The following APBA2 variants were observed in gnomAD, a reference collection of about 807,000 sequenced individuals.
APBA2 encodes amyloid-beta A4 precursor protein-binding family A member 2.
Under a neutral mutation model 75.0 loss-of-function variants are expected in APBA2, and 30 were observed. That is an observed-to-expected ratio of 0.40 (90% CI 0.30 to 0.54). The LOEUF is 0.54. Among genes scored for constraint, APBA2 ranks in the 20% least tolerant of loss-of-function variants. The pLI is 0.49. For missense variants in APBA2, 801 were observed against 1,016.1 expected, an observed-to-expected ratio of 0.79 and a Z score of 2.88; for synonymous variants, 444 against 409.6, an observed-to-expected ratio of 1.08 and a Z score of -1.01.
chr15:29,092,282 A>G (rs1290875493), intron 6 of APBA2, among the ~76,000 whole-genome samples: 3 of 152,316 alleles, frequency 2.0e-5, no homozygotes, highest in East Asian at 3.9e-4. Context: ...ATTGTCTGGC[A>G]TAGGAGCCAC....
At position 29,001,339 on chromosome 15, in the gene APBA2, T is replaced by C. The variant is rs140815077; in HGVS notation, c.-41+5533T>C. On this transcript the variant is annotated intron_variant, in intron 3 of 14. Transcript: ENST00000683413. The stretch of plus-strand genomic sequence containing the variant: ...AATCTTCCCACCTCAGCCCCCTGAG[T>C]AGCTAGGACTACAGGTGAGTGCCAC... Among the ~76,000 whole-genome samples, 286 of 152,252 alleles carry C rather than the reference T, an allele frequency of 1.9e-3. 2 individuals carry two copies. Among genetic ancestry groups the C allele is most frequent in the African/African-American group, 6.5e-3 (271 of 41,548 alleles).
intron 2 of APBA2, among the ~76,000 whole-genome samples, chr15:28,940,695 G>A (rs2035168972): frequency 6.6e-6 from 1 of 152,208 alleles, no homozygotes; most frequent in African/African-American, 2.4e-5. Flanking sequence ...AGCACCCCCA[G>A]TCCCGGGTCA....
intron 2 of APBA2, among the ~76,000 whole-genome samples, chr15:28,963,322 G>C (rs1253650358): frequency 6.6e-6 from 1 of 152,244 alleles, no homozygotes; most frequent in African/African-American, 2.4e-5. Context: ...AAGTCATGCA[G>C]CTCAGGCCCG....
chr15:29,060,461 G>A (rs1374404334), intron 4 of APBA2, among the ~76,000 whole-genome samples: 1 of 152,286 alleles, frequency 6.6e-6, no homozygotes, highest in Non-Finnish European at 1.5e-5. Flanking sequence ...TGTTCAGTCC[G>A]CGTTTGAGCC....
intron 4 of APBA2, among the ~76,000 whole-genome samples, chr15:29,065,489 G>T (rs1304584014): frequency 1.3e-5 from 2 of 152,168 alleles, no homozygotes; most frequent in East Asian, 3.9e-4. Context: ...GTAATAGGGG[G>T]CTGACCTATT....
chr15:29,057,983 C>G (rs1429623592), intron 4 of APBA2, among the ~76,000 whole-genome samples: 1 of 152,206 alleles, frequency 6.6e-6, no homozygotes, highest in Non-Finnish European at 1.5e-5. Flanking sequence ...TAGAAGCACT[C>G]TCTACACTGT....
intron 6 of APBA2, among the ~76,000 whole-genome samples, chr15:29,080,228 A>G (rs1191294139): frequency 1.3e-5 from 2 of 152,204 alleles, no homozygotes; most frequent in Admixed American, 1.3e-4. Flanking sequence ...CAGCTCAGGG[A>G]GAGTGAATCC....
intron 6 of APBA2, among the ~76,000 whole-genome samples, chr15:29,090,839 G>C (rs1271145574): frequency 6.6e-6 from 1 of 152,126 alleles, no homozygotes; most frequent in Non-Finnish European, 1.5e-5. Flanking sequence ...TACCTCAGGC[G>C]CTGGGAGCCT....
At chr15:29,039,350 ACTCT>A (rs143561893) in intron 3 of APBA2, among the ~76,000 whole-genome samples, 1,697 of 151,916 alleles carry the variant, frequency 0.011, 29 homozygotes, top group African/African-American at 0.039. Context: ...TAACAGCGTA[ACTCT>A]CTCATTCCTT....
At chr15:28,930,539 A>G (rs1415913929) in intron 2 of APBA2, among the ~76,000 whole-genome samples, 2 of 152,110 alleles carry the variant, frequency 1.3e-5, no homozygotes, top group East Asian at 3.9e-4. Context: ...CTGGAGCCTG[A>G]CCTGTCTTGG....
chr15:28,931,566 T>C (rs1334422274), intron 2 of APBA2, among the ~76,000 whole-genome samples: 2 of 152,158 alleles, frequency 1.3e-5, no homozygotes, highest in African/African-American at 2.4e-5. Flanking sequence ...CGCTGCTCCA[T>C]AGGGTCCAGC....
intron 2 of APBA2, among the ~76,000 whole-genome samples, chr15:28,979,968 A>G (rs2037537585): frequency 6.6e-6 from 1 of 152,268 alleles, no homozygotes; most frequent in African/African-American, 2.4e-5. Flanking sequence ...GCTAGTTAAA[A>G]GAAAATTTAT....
chr15:29,077,023 A>G (rs949901480), intron 6 of APBA2, among the ~76,000 whole-genome samples: 1 of 152,232 alleles, frequency 6.6e-6, no homozygotes, highest in Non-Finnish European at 1.5e-5. Flanking sequence ...AACTGGCTTA[A>G]TGCTGCTCAG....
chr15:28,898,023 C>T (rs554074434), intron 1 of APBA2, among the ~76,000 whole-genome samples: 55 of 152,118 alleles, frequency 3.6e-4, no homozygotes, highest in African/African-American at 1.3e-3. Flanking sequence ...ACCAAGGAGG[C>T]GGAAATTGGA....
chr15:28,942,848 C>T (rs572357143), intron 2 of APBA2, among the ~76,000 whole-genome samples: 2 of 152,332 alleles, frequency 1.3e-5, no homozygotes, highest in South Asian at 4.1e-4. Flanking sequence ...CGTGGGGCTT[C>T]TCCCCGGGCT....
At chr15:29,030,090 G>A (rs1298359284) in intron 3 of APBA2, among the ~76,000 whole-genome samples, 1 of 152,156 alleles carries the variant, frequency 6.6e-6, no homozygotes, top group Non-Finnish European at 1.5e-5. Flanking sequence ...CCTGAGCCGG[G>A]AACTGCGGGA....
intron 2 of APBA2, among the ~76,000 whole-genome samples, chr15:28,972,078 G>A (rs2037098818): frequency 6.6e-6 from 1 of 152,116 alleles, no homozygotes; most frequent in African/African-American, 2.4e-5. Flanking sequence ...ATTAAGGAAA[G>A]CAAATGAAGA....
At chr15:29,035,280 C>T (rs949875985) in intron 3 of APBA2, among the ~76,000 whole-genome samples, 2 of 152,074 alleles carry the variant, frequency 1.3e-5, no homozygotes, top group East Asian at 1.9e-4. Flanking sequence ...TGATTGCAAT[C>T]GTGGGGTCAT....
intron 8 of APBA2, 100 bp downstream of exon 8, chr15:29,094,413 T>C: frequency 8.5e-7 from 1 of 1,171,480 alleles, no homozygotes. Flanking sequence ...GGGATCTAAA[T>C]AATGTTGCAA....
Sources: gnomAD v4.1 joint callset for allele counts (sites outside exome capture counted in the v4.1 genomes callset) on GRCh38, gnomAD v4.1.1 for gene constraint, MANE v1.5 for transcripts, NCBI Gene and HGNC (gene_info 2026-07-23, HGNC 2026-07-21) for gene names.